Variants in PSMG2 observed in about 807,000 individuals in gnomAD.
PSMG2 encodes the protein CD40 ligand-activated specific transcript 3.
Under a neutral mutation model 31.5 loss-of-function variants are expected in PSMG2, and 21 were observed. The observed-to-expected ratio is 0.67, with a 90% confidence interval of 0.47 to 0.96. The LOEUF is 0.96. PSMG2 is among the 40% of genes least tolerant of loss of function. The probability of loss-of-function intolerance (pLI) is 0.00; values close to 1 mark genes in which losing one functional copy is unlikely to be tolerated. For missense variants in PSMG2, 318 were observed against 321.2 expected (o/e 0.99, Z 0.08); for synonymous variants, 120 against 110.4 (o/e 1.09, Z -0.54).
At chr18:12,673,481 T>C (rs368863361) in intron 1 of PSMG2, 35 of 1,583,160 alleles carry the variant, frequency 2.2e-5, no homozygotes, top group African/African-American at 2.8e-5. Flanking sequence ...CGGCAACAGA[T>C]TATTTCTTCA....
rs1305766804 is a variant in PSMG2 at position 12,708,908 on chromosome 18, C to T, written c.229+2187C>T. Among the ~76,000 whole-genome samples the T allele has an allele frequency of 2.0e-5, 3 of 151,502 alleles. No homozygotes were observed. The East Asian group carries it at 5.8e-4, about 29-fold the overall frequency. ...TGTGTTTTTAGTAAAGATGGGGTTT[C>T]GCCATGTTGGCCAGGCTGGTCTCAA... is the stretch of plus-strand genomic sequence containing the variant. On this transcript the variant is annotated intron_variant, in intron 2 of 6. Transcript: ENST00000317615.
intron 4 of PSMG2, among the ~76,000 whole-genome samples, chr18:12,718,901 G>A (rs143492332): frequency 4.3e-4 from 66 of 152,262 alleles, no homozygotes; most frequent in African/African-American, 1.3e-3. Context: ...AGTGTTTCCC[G>A]TCACATACAT....
chr18:12,666,749 A>AC (rs200803732), intron 1 of PSMG2, among the ~76,000 whole-genome samples: 3,300 of 144,252 alleles, frequency 0.023, 117 homozygotes, highest in African/African-American at 0.074. Flanking sequence ...ACACCCGGCC[A>AC]AAAAAAAAAA....
intron 5 of PSMG2, among the ~76,000 whole-genome samples, chr18:12,723,390 CTAGATATAGT>C (rs112690549): frequency 0.015 from 2,314 of 150,138 alleles, 64 homozygotes; most frequent in African/African-American, 0.053. Context: ...AGAGACCTAA[CTAGATATAGT>C]TAGATATAGA....
chr18:12,664,193 GC>G (rs979356676), intron 1 of PSMG2, among the ~76,000 whole-genome samples: 1 of 151,854 alleles, frequency 6.6e-6, no homozygotes, highest in African/African-American at 2.4e-5. Context: ...TCCCACTTCA[GC>G]CTTCTGAATG....
chr18:12,690,326 T>C (rs1282290089), intron 1 of PSMG2, among the ~76,000 whole-genome samples: 1 of 152,220 alleles, frequency 6.6e-6, no homozygotes, highest in Non-Finnish European at 1.5e-5. Context: ...GTACAGGATT[T>C]GAGAAACTTA....
At chr18:12,691,279 ATAAATAT>A in intron 1 of PSMG2, 1 of 897,922 alleles carries the variant, frequency 1.1e-6, no homozygotes, top group Non-Finnish European at 1.6e-6. Context: ...CATTTTACAA[ATAAATAT>A]TAAATGAAAT....
upstream of PSMG2, chr18:12,700,912 G>C (rs769083044): frequency 6.7e-7 from 1 of 1,492,340 alleles, no homozygotes. Flanking sequence ...TTACGCATTA[G>C]TATATACATA....
At chr18:12,665,174 T>A (rs914168934) in intron 1 of PSMG2, 2 of 152,202 alleles carry the variant, frequency 1.3e-5, no homozygotes, top group African/African-American at 4.8e-5. Flanking sequence ...ATGACTTCCC[T>A]TTAATTCAAC....
intron 1 of PSMG2, among the ~76,000 whole-genome samples, chr18:12,682,538 T>TA (rs769608574): frequency 4.6e-5 from 7 of 152,096 alleles, no homozygotes; most frequent in South Asian, 4.2e-4. Context: ...TAAAGTTTTT[T>TA]AAAAAAAATT....
rs560765867 is a variant in PSMG2, at chr18:12,680,962, G to T, written c.-37+22189G>T. 6 of 728,060 alleles carry T rather than the reference G, an allele frequency of 8.2e-6. No homozygotes were observed. The Admixed American group carries it at 9.5e-5, about 12-fold the overall frequency. 45.1% of individuals were successfully genotyped at this position (728,060 alleles called of 1,614,324 possible). On this transcript the variant is annotated intron_variant, in intron 1 of 6. Coordinates refer to the PSMG2 transcript ENST00000585331. ...GCCTGTAATCCCAACACTTTGGGAG[G>T]CCAAGGCGGGTGGATCACATGACGT...
chr18:12,667,773 A>AAAAAG (rs1308845197), intron 1 of PSMG2, among the ~76,000 whole-genome samples: 2 of 149,426 alleles, frequency 1.3e-5, no homozygotes, highest in Non-Finnish European at 3.0e-5. Context: ...AAAAAAAAAA[A>AAAAAG]AAAAGAAAAG....
In PSMG2 at chr18:12,708,425, C is replaced by T. The variant is rs185113501; in HGVS notation, c.229+1704C>T. ...TGTTGCCCGGGCTGGAGTGCAGTGG[C>T]GCGATCTCAGCTCACCGCAGCCTCC... On this transcript the variant is annotated intron_variant, in intron 2 of 6. Coordinates refer to ENST00000317615, the MANE Select transcript of PSMG2 (RefSeq NM_020232.5). Among the ~76,000 whole-genome samples the T allele has an allele frequency of 3.6e-3, 544 of 151,884 alleles. 9 individuals carry two copies. Among genetic ancestry groups the T allele is most frequent in the African/African-American group, 0.012 (514 of 41,434 alleles).
chr18:12,724,829 C>T, intron 6 of PSMG2: 1 of 470,132 alleles, frequency 2.1e-6, no homozygotes, highest in East Asian at 3.5e-5. Context: ...AGCTGACTTT[C>T]CAAAAAGGAA....
At chr18:12,699,223 A>G (rs747919063), upstream of PSMG2, 2 of 1,507,100 alleles carry the variant, frequency 1.3e-6, no homozygotes, top group South Asian at 1.2e-5. Context: ...GTAGCAATAT[A>G]TATGAGGAAA....
At chr18:12,681,108 G>T (rs1261238469) in intron 1 of PSMG2, among the ~76,000 whole-genome samples, 1 of 150,338 alleles carries the variant, frequency 6.7e-6, no homozygotes, top group African/African-American at 2.4e-5. Flanking sequence ...CGAGGCAAGA[G>T]AATCACGTGA....
intron 1 of PSMG2, among the ~76,000 whole-genome samples, chr18:12,694,962 G>A (rs2039899634): frequency 1.3e-5 from 2 of 151,792 alleles, no homozygotes; most frequent in African/African-American, 4.8e-5. Context: ...TGATCCGCCC[G>A]CCTCGGCCTC....
At chr18:12,703,878 A>T (rs1000866502) in intron 1 of PSMG2, among the ~76,000 whole-genome samples, 1 of 152,190 alleles carries the variant, frequency 6.6e-6, no homozygotes, top group Non-Finnish European at 1.5e-5. Flanking sequence ...AGAAAGATGG[A>T]TGTCTAAAAC....
intron 1 of PSMG2, chr18:12,674,862 A>T: frequency 1.7e-6 from 1 of 582,306 alleles, no homozygotes; most frequent in Admixed American, 3.5e-5. Flanking sequence ...GATTTTTAAA[A>T]GCTATCATAA....
Sources: allele counts gnomAD v4.1 joint callset (sites outside exome capture counted in the v4.1 genomes callset), GRCh38; gene constraint gnomAD v4.1.1; transcripts MANE v1.5; gene names NCBI Gene and HGNC (gene_info 2026-07-23, HGNC 2026-07-21).